The following ARHGAP15 variants were observed in gnomAD, a reference collection of about 807,000 sequenced individuals.
The protein encoded by ARHGAP15 is Rho GTPase activating protein 15.
A neutral mutation model predicts 63.7 loss-of-function variants in ARHGAP15; 51 were observed. That is an observed-to-expected ratio of 0.80 (90% CI 0.64 to 1.01). The LOEUF is 1.01. Among genes scored for constraint, ARHGAP15 ranks in the 50% least tolerant of loss-of-function variants. The pLI, the probability that ARHGAP15 is intolerant of heterozygous loss-of-function variation, is 0.00. For missense variants in ARHGAP15, 560 were observed against 564.6 expected (o/e 0.99, Z 0.08); for synonymous variants, 191 against 193.8 (o/e 0.99, Z 0.12).
chr2:143,640,498 A>T (rs974374815), intron 12 of ARHGAP15, among the ~76,000 whole-genome samples: 3 of 152,106 alleles, frequency 2.0e-5, no homozygotes, highest in Non-Finnish European at 4.4e-5. Flanking sequence ...AAGAAGTATT[A>T]TTACTACTTA....
chr2:143,355,969 A>T (rs1222634954), intron 6 of ARHGAP15, among the ~76,000 whole-genome samples: 3 of 152,088 alleles, frequency 2.0e-5, no homozygotes, highest in Admixed American at 2.0e-4. Flanking sequence ...CTATGCCATT[A>T]CGCTCATTTG....
chr2:143,360,011 T>G (rs1038607678), intron 6 of ARHGAP15, among the ~76,000 whole-genome samples: 1 of 152,138 alleles, frequency 6.6e-6, no homozygotes, highest in Non-Finnish European at 1.5e-5. Context: ...GTTAATGTGA[T>G]TTTTGTTCTC....
chr2:143,570,381 T>C (rs11889721), intron 11 of ARHGAP15, among the ~76,000 whole-genome samples: 38,240 of 152,130 alleles, frequency 0.25, 4,976 homozygotes, highest in East Asian at 0.36. Context: ...TATAATGTTA[T>C]ATATCACTAG....
intron 6 of ARHGAP15, among the ~76,000 whole-genome samples, chr2:143,329,389 G>A (rs1684402416): frequency 6.6e-6 from 1 of 152,206 alleles, no homozygotes; most frequent in Non-Finnish European, 1.5e-5. Context: ...TCAGAAAACA[G>A]CCACATTATG....
intron 1 of ARHGAP15, among the ~76,000 whole-genome samples, chr2:143,136,978 C>T (rs1689169405): frequency 6.6e-6 from 1 of 152,084 alleles, no homozygotes. Flanking sequence ...ACTCTCCTCC[C>T]TGCTTCTATC....
chr2:143,185,742 A>G (rs1691421691), intron 2 of ARHGAP15, among the ~76,000 whole-genome samples: 1 of 152,144 alleles, frequency 6.6e-6, no homozygotes, highest in Non-Finnish European at 1.5e-5. Context: ...GACTTCATAA[A>G]CCAGGTAAAA....
chr2:143,767,464 A>G (rs953241643), intron 13 of ARHGAP15, among the ~76,000 whole-genome samples: 2 of 152,226 alleles, frequency 1.3e-5, no homozygotes, highest in Admixed American at 1.3e-4. Context: ...TTAGAATTTT[A>G]CCATATACCA....
chr2:143,360,920 A>T (rs2105335015), intron 6 of ARHGAP15, among the ~76,000 whole-genome samples: 1 of 152,336 alleles, frequency 6.6e-6, no homozygotes, highest in South Asian at 2.1e-4. Flanking sequence ...TTTTTGATAC[A>T]TAAATTGGAA....
At chr2:143,672,795 A>G (rs188025337) in intron 12 of ARHGAP15, among the ~76,000 whole-genome samples, 32 of 152,330 alleles carry the variant, frequency 2.1e-4, no homozygotes, top group African/African-American at 6.5e-4. Flanking sequence ...CATAATTTAG[A>G]GTTGATTGAA....
intron 1 of ARHGAP15, among the ~76,000 whole-genome samples, chr2:143,136,731 G>T (rs575481093): frequency 4.6e-5 from 7 of 152,080 alleles, no homozygotes; most frequent in African/African-American, 1.7e-4. Flanking sequence ...ATTACATTTT[G>T]TTTACAATTT....
chr2:143,519,625 G>C (rs1318951740), intron 10 of ARHGAP15: 1 of 278,962 alleles, frequency 3.6e-6, no homozygotes, highest in Non-Finnish European at 6.9e-6. Context: ...CAAACTTCTT[G>C]TTTTCAAGCC....
Position 143,768,351 on chromosome 2 carries a change from T to C in ARHGAP15, c.*179T>C. 4 of 656,294 alleles carry C rather than the reference T, an allele frequency of 6.1e-6. No individual in the cohort carries two copies. The highest frequency in any genetic ancestry group is 6.0e-5 in the South Asian group (3 of 50,096). The allele number at this position is 656,294 out of a possible 1,614,324, so 40.7% of individuals were successfully genotyped here. ...AACATTTGAATAAAATAATTGACAA[T>C]ATTTGCCTCTATGTGTTCTACATTA... On this transcript the variant is annotated 3_prime_UTR_variant, in exon 14 of 14. Coordinates refer to ENST00000295095, the MANE Select transcript of ARHGAP15 (RefSeq NM_018460.4).
At chr2:143,258,626 A>G (rs1398984801) in intron 6 of ARHGAP15, among the ~76,000 whole-genome samples, 1 of 152,174 alleles carries the variant, frequency 6.6e-6, no homozygotes, top group Non-Finnish European at 1.5e-5. Context: ...TTATCTTAAC[A>G]AAACAGGATG....
intron 6 of ARHGAP15, among the ~76,000 whole-genome samples, chr2:143,419,992 G>C (rs1443662073): frequency 6.6e-6 from 1 of 152,090 alleles, no homozygotes; most frequent in Non-Finnish European, 1.5e-5. Context: ...TAGACGGCAG[G>C]TTTAGGGAAT....
At chr2:143,689,962 C>G (rs560311330) in intron 12 of ARHGAP15, among the ~76,000 whole-genome samples, 2 of 152,132 alleles carry the variant, frequency 1.3e-5, no homozygotes, top group Non-Finnish European at 2.9e-5. Flanking sequence ...GAAAGGAAGG[C>G]GACTGGTGAG....
intron 13 of ARHGAP15, among the ~76,000 whole-genome samples, chr2:143,711,928 AC>A (rs1210978040): frequency 1.3e-5 from 2 of 152,234 alleles, no homozygotes; most frequent in Non-Finnish European, 2.9e-5. Context: ...GTGTCAAAAA[AC>A]AAAAACAAAA....
At chr2:143,149,009 G>T (rs1689706497) in intron 1 of ARHGAP15, among the ~76,000 whole-genome samples, 1 of 152,018 alleles carries the variant, frequency 6.6e-6, no homozygotes, top group South Asian at 2.1e-4. Context: ...ACACATTACT[G>T]GAGCTACCAG....
intron 6 of ARHGAP15, among the ~76,000 whole-genome samples, chr2:143,256,735 A>G (rs182604708): frequency 5.9e-4 from 90 of 152,218 alleles, no homozygotes; most frequent in Non-Finnish European, 9.6e-4. Context: ...GGTCACACAG[A>G]TTTTGCACAG....
Position 143,312,423 on chromosome 2 carries a change from T to C in ARHGAP15, c.474+61823T>C, listed in dbSNP as rs563897729. Reference sequence around the variant, plus strand: ...CTAACATTTGATCGTATGTTTTCTTTAGTTAACTTTCTATATTATATGGCA... The same window carrying C: ...CTAACATTTGATCGTATGTTTTCTTCAGTTAACTTTCTATATTATATGGCA... On this transcript the variant is annotated intron_variant, in intron 6 of 13. Coordinates refer to ENST00000295095, the MANE Select transcript of ARHGAP15 (RefSeq NM_018460.4). Among the ~76,000 whole-genome samples the C allele has an allele frequency of 3.9e-5, 6 of 152,296 alleles. No homozygotes were observed. The South Asian group carries it at 8.3e-4, about 21-fold the overall frequency.
Sources: allele counts gnomAD v4.1 joint callset (sites outside exome capture counted in the v4.1 genomes callset), GRCh38; gene constraint gnomAD v4.1.1; transcripts MANE v1.5; gene names NCBI Gene and HGNC (gene_info 2026-07-23, HGNC 2026-07-21).